The following MRPL42 variants were observed in gnomAD, a reference collection of about 807,000 sequenced individuals.
MRPL42 encodes mitochondrial ribosomal protein L42, also known as large ribosomal subunit protein mL42.
Under a neutral mutation model 17.9 loss-of-function variants are expected in MRPL42, and 17 were observed. The ratio of observed to expected loss-of-function variants is 0.95; its 90% confidence interval spans 0.65 to 1.42. MRPL42 has a LOEUF of 1.42. MRPL42 is among the 40% of genes most tolerant of loss of function. The pLI, the probability that MRPL42 is intolerant of heterozygous loss-of-function variation, is 0.00. For synonymous variants in MRPL42, 59 were observed against 54.4 expected, an observed-to-expected ratio of 1.08 and a Z score of -0.37; for missense variants, 177 against 175.2, an observed-to-expected ratio of 1.01 and a Z score of -0.06.
chr12:93,481,004 C>G (rs1338281697), intron 4 of MRPL42, among the ~76,000 whole-genome samples: 1 of 152,108 alleles, frequency 6.6e-6, no homozygotes, highest in African/African-American at 2.4e-5. Flanking sequence ...CCTATAAACC[C>G]TCCAGGTCAC....
At chr12:93,492,634 C>T (rs1326230841) in intron 5 of MRPL42, among the ~76,000 whole-genome samples, 1 of 152,186 alleles carries the variant, frequency 6.6e-6, no homozygotes, top group Non-Finnish European at 1.5e-5. Flanking sequence ...AGTATGAGAC[C>T]TTCAGAATGC....
chr12:93,481,897 C>A (rs760432136), intron 4 of MRPL42, among the ~76,000 whole-genome samples: 1 of 152,162 alleles, frequency 6.6e-6, no homozygotes, highest in Non-Finnish European at 1.5e-5. Flanking sequence ...ATTCTCACTC[C>A]CTACTTAACC....
chr12:93,478,531 G>A (rs1880294550), intron 3 of MRPL42, among the ~76,000 whole-genome samples: 1 of 152,132 alleles, frequency 6.6e-6, no homozygotes, highest in South Asian at 2.1e-4. Flanking sequence ...ACAGATGTGA[G>A]CTACCACGCC....
At chr12:93,479,346 G>C in intron 3 of MRPL42, 42 bp from the exon 4 acceptor site, 1 of 1,234,420 alleles carries the variant, frequency 8.1e-7, no homozygotes, top group Non-Finnish European at 1.1e-6. Flanking sequence ...ATTTTGCCTT[G>C]AATACAGTAT....
At position 93,514,231 on chromosome 12, in the gene MRPL42, T is replaced by C. The variant is rs1448246945; in HGVS notation, c.*13010T>C. ...TTAGTAACTAGGAGTTCACTACGTT[T>C]CCATGGACCTAACTCCAATAATGAT... is the stretch of plus-strand genomic sequence containing the variant. On this transcript the variant is annotated 3_prime_UTR_variant, in exon 6 of 6. Transcript: ENST00000549982. The C allele has an allele frequency of 6.6e-6, 1 of 152,146 alleles. No homozygotes were observed. Among genetic ancestry groups the C allele is most frequent in the African/African-American group, 2.4e-5 (1 of 41,424 alleles). 9.4% of individuals were successfully genotyped at this position (152,146 alleles called of 1,614,324 possible).
intron 4 of MRPL42, among the ~76,000 whole-genome samples, chr12:93,480,449 A>G (rs1424141677): frequency 6.6e-6 from 1 of 151,042 alleles, no homozygotes; most frequent in Non-Finnish European, 1.5e-5. Context: ...AGAAAATTAG[A>G]TGGTTTAAGT....
intron 2 of MRPL42, among the ~76,000 whole-genome samples, chr12:93,470,316 G>A (rs1879847537): frequency 6.6e-6 from 1 of 152,100 alleles, no homozygotes; most frequent in African/African-American, 2.4e-5. Context: ...TCAGCCAACT[G>A]TGCTTTCTTT....
chr12:93,500,566 C>A (rs990743119), intron 5 of MRPL42, among the ~76,000 whole-genome samples: 13 of 152,106 alleles, frequency 8.5e-5, no homozygotes, highest in Admixed American at 3.9e-4. Flanking sequence ...TTTATAGAGA[C>A]CTCCATTTAG....
In MRPL42 at chr12:93,479,374, A is replaced by C. The variant is rs1223946627; in HGVS notation, c.135-14A>C. On this transcript the variant is annotated splice_polypyrimidine_tract_variant and intron_variant, in intron 3 of 5. Coordinates refer to ENST00000549982, the MANE Select transcript of MRPL42 (RefSeq NM_014050.4). ...TACAGTATAACTTTATTTCTAAAAC[A>C]TTCTTTTTTTTAGCAACGTAGAGCT... 6.3e-7 allele frequency: 1 copy of C among 1,587,026 alleles called. No individual in the cohort carries two copies. Among genetic ancestry groups the C allele is most frequent in the African/African-American group, 1.4e-5 (1 of 73,646 alleles).
chr12:93,476,555 C>G (rs1012527519), intron 2 of MRPL42, among the ~76,000 whole-genome samples: 13 of 152,180 alleles, frequency 8.5e-5, no homozygotes, highest in Admixed American at 7.9e-4. Context: ...GCGCCTTTTA[C>G]TCACTCTGCT....
In MRPL42 at chr12:93,503,524, A is replaced by G. The variant is rs536899092; in HGVS notation, c.*2303A>G. The G allele has an allele frequency of 3.3e-5, 5 of 151,952 alleles. 1 individual carries two copies. The highest frequency in any genetic ancestry group is 5.9e-5 in the Non-Finnish European group (4 of 67,980). The allele number at this position is 151,952 out of a possible 1,614,324, so 9.4% of individuals were successfully genotyped here. A position where few individuals can be genotyped will look rare whatever the true frequency, so the allele number is the denominator to read the frequency against. ...GCCTCCCGAATTGCTGAGACTACAC[A>G]TGTGTGCTACCATGCCTGGCTAATT... On this transcript the variant is annotated 3_prime_UTR_variant, in exon 6 of 6. Coordinates refer to ENST00000549982, the MANE Select transcript of MRPL42 (RefSeq NM_014050.4).
intron 2 of MRPL42, among the ~76,000 whole-genome samples, chr12:93,474,031 C>T (rs973002503): frequency 6.6e-6 from 1 of 152,162 alleles, no homozygotes; most frequent in Non-Finnish European, 1.5e-5. Flanking sequence ...CATCTAGCAA[C>T]ACTAAGAATG....
At chr12:93,486,875 G>GCTGGT (rs1880767076) in intron 4 of MRPL42, among the ~76,000 whole-genome samples, 1 of 150,984 alleles carries the variant, frequency 6.6e-6, no homozygotes, top group South Asian at 2.1e-4. Context: ...TGTTGCCCAG[G>GCTGGT]CTGGTCTTGA....
chr12:93,499,592 T>C (rs1953553893), intron 5 of MRPL42, among the ~76,000 whole-genome samples: 1 of 152,168 alleles, frequency 6.6e-6, no homozygotes, highest in African/African-American at 2.4e-5. Context: ...TTATCTGGTA[T>C]GTCAATGGAA....
Position 93,477,462 on chromosome 12 carries a change from A to G in MRPL42, c.134+445A>G, listed in dbSNP as rs376223724. Among the ~76,000 whole-genome samples the G allele has an allele frequency of 1.2e-3, 179 of 152,362 alleles. 1 individual carries two copies. Among genetic ancestry groups the G allele is most frequent in the African/African-American group, 4.1e-3 (169 of 41,584 alleles). On this transcript the variant is annotated intron_variant, in intron 3 of 5. Transcript: ENST00000549982. ...TTTAGTCACTATGATAAGAACTAGG[A>G]ATAACATATGACATTGTCTTTTTTC... is the stretch of plus-strand genomic sequence containing the variant.
intron 2 of MRPL42, among the ~76,000 whole-genome samples, chr12:93,471,603 C>T (rs1289597196): frequency 2.0e-5 from 3 of 152,102 alleles, no homozygotes; most frequent in African/African-American, 7.2e-5. Context: ...ACCTGGCCAC[C>T]AAATCCTGCT....
rs1325713012 is a variant in MRPL42 at position 93,505,746 on chromosome 12, A to G, written c.*4525A>G. 2 of 152,112 alleles carry G rather than the reference A, an allele frequency of 1.3e-5. No individual in the cohort carries two copies. Among genetic ancestry groups the G allele is most frequent in the Admixed American group, 6.6e-5 (1 of 15,258 alleles). The allele number at this position is 152,112 out of a possible 1,614,324, so 9.4% of individuals were successfully genotyped here. A position where few individuals can be genotyped will look rare whatever the true frequency, so the allele number is the denominator to read the frequency against. ...CATTTTGATTTAGTAACAACCTCAT[A>G]CTTACATAGCATATCCTTCTGCAGA... On this transcript the variant is annotated 3_prime_UTR_variant, in exon 6 of 6. Coordinates refer to ENST00000549982, the MANE Select transcript of MRPL42 (RefSeq NM_014050.4).
chr12:93,475,815 C>T (rs571922779), intron 2 of MRPL42, among the ~76,000 whole-genome samples: 2 of 151,918 alleles, frequency 1.3e-5, no homozygotes, highest in African/African-American at 4.8e-5. Context: ...AACCCCGTCT[C>T]TACTAAAAAT....
At chr12:93,478,694 G>A (rs1345983464) in intron 3 of MRPL42, among the ~76,000 whole-genome samples, 1 of 152,162 alleles carries the variant, frequency 6.6e-6, no homozygotes, top group African/African-American at 2.4e-5. Flanking sequence ...TCGTTTGACA[G>A]ATTAAATGTT....
Sources: gnomAD v4.1 joint callset for allele counts (sites outside exome capture counted in the v4.1 genomes callset) on GRCh38, gnomAD v4.1.1 for gene constraint, MANE v1.5 for transcripts, NCBI Gene and HGNC (gene_info 2026-07-23, HGNC 2026-07-21) for gene names.